The following GPM6A variants were observed in gnomAD, a reference collection of about 807,000 sequenced individuals.
GPM6A encodes the protein neuronal membrane glycoprotein M6-a.
Under a neutral mutation model 32.1 loss-of-function variants are expected in GPM6A, and 7 were observed. The observed-to-expected ratio is 0.22, with a 90% CI of 0.12 to 0.41. The LOEUF is 0.41. GPM6A is among the 10% of genes least tolerant of loss of function. The pLI, the probability that GPM6A is intolerant of heterozygous loss-of-function variation, is 1.00. For synonymous variants in GPM6A, 130 were observed against 123.4 expected (o/e 1.05, Z -0.35); for missense variants, 235 against 347.2 (o/e 0.68, Z 2.57).
intron 1 of GPM6A, among the ~76,000 whole-genome samples, chr4:175,909,050 G>GGC (rs1554000507): frequency 1.2e-5 from 1 of 81,586 alleles, no homozygotes; most frequent in African/African-American, 4.2e-5. Context: ...GGCGGGGGGG[G>GGC]GGCAACTAGC....
intron 1 of GPM6A, among the ~76,000 whole-genome samples, chr4:175,822,679 T>A (rs1347148791): frequency 1.3e-5 from 2 of 152,050 alleles, no homozygotes; most frequent in African/African-American, 4.8e-5. Flanking sequence ...GAAAACATTG[T>A]ACTTTAAGTT....
chr4:175,792,738 T>C (rs1476943483), intron 1 of GPM6A, among the ~76,000 whole-genome samples: 2 of 152,218 alleles, frequency 1.3e-5, no homozygotes, highest in Non-Finnish European at 2.9e-5. Context: ...GAAAGTTTAT[T>C]TGCCAATTTC....
At chr4:175,915,162 C>T (rs900555541) in intron 1 of GPM6A, among the ~76,000 whole-genome samples, 3 of 152,084 alleles carry the variant, frequency 2.0e-5, no homozygotes, top group African/African-American at 7.2e-5. Flanking sequence ...AAAGAAAATA[C>T]TGACAAATTT....
chr4:175,769,082 G>A (rs1733088954), intron 1 of GPM6A, among the ~76,000 whole-genome samples: 2 of 152,034 alleles, frequency 1.3e-5, no homozygotes, highest in South Asian at 2.1e-4. Flanking sequence ...GCAGCAGAGT[G>A]AGACTCTGTC....
chr4:175,959,131 A>G (rs1740084766), intron 1 of GPM6A, among the ~76,000 whole-genome samples: 1 of 152,214 alleles, frequency 6.6e-6, no homozygotes, highest in African/African-American at 2.4e-5. Flanking sequence ...AATAGTGACT[A>G]AAAACAGAGA....
intron 1 of GPM6A, among the ~76,000 whole-genome samples, chr4:175,777,635 T>C (rs1733447980): frequency 6.6e-6 from 1 of 152,050 alleles, no homozygotes; most frequent in Non-Finnish European, 1.5e-5. Context: ...AGTAATGCAG[T>C]TGATTTTTAA....
intron 1 of GPM6A, among the ~76,000 whole-genome samples, chr4:175,999,767 A>C (rs1229865406): frequency 6.6e-6 from 1 of 152,126 alleles, no homozygotes; most frequent in Non-Finnish European, 1.5e-5. Context: ...CAAAACAAAA[A>C]AACTGGATTC....
At chr4:175,866,610 A>G (rs1190067227) in intron 1 of GPM6A, among the ~76,000 whole-genome samples, 1 of 152,156 alleles carries the variant, frequency 6.6e-6, no homozygotes, top group South Asian at 2.1e-4. Flanking sequence ...ATTTCTTTTT[A>G]GTAATGAATA....
chr4:175,966,280 T>A (rs191969187), intron 1 of GPM6A, among the ~76,000 whole-genome samples: 1 of 152,006 alleles, frequency 6.6e-6, no homozygotes, highest in Non-Finnish European at 1.5e-5. Flanking sequence ...CATGTGCCTG[T>A]AGTCAGAGCT....
intron 1 of GPM6A, among the ~76,000 whole-genome samples, chr4:175,865,606 A>G (rs1004973805): frequency 6.6e-5 from 10 of 152,144 alleles, no homozygotes; most frequent in African/African-American, 2.2e-4. Context: ...ACTTTCTTTC[A>G]TAAATCTTTT....
At chr4:175,670,068 C>T (rs965994565) in intron 3 of GPM6A, among the ~76,000 whole-genome samples, 1 of 151,992 alleles carries the variant, frequency 6.6e-6, no homozygotes, top group Non-Finnish European at 1.5e-5. Flanking sequence ...AACTGTGAGA[C>T]AATGAATTTC....
At chr4:175,784,323 A>G (rs112386967) in intron 1 of GPM6A, among the ~76,000 whole-genome samples, 6 of 152,302 alleles carry the variant, frequency 3.9e-5, no homozygotes, top group African/African-American at 1.4e-4. Flanking sequence ...CACAGCTTGT[A>G]GGAAACTAAC....
intron 1 of GPM6A, among the ~76,000 whole-genome samples, chr4:175,975,512 A>G (rs76278530): frequency 0.015 from 2,267 of 152,338 alleles, 49 homozygotes; most frequent in African/African-American, 0.052. Flanking sequence ...TGGTCATTCA[A>G]TCAAAATTTA....
At chr4:175,689,876 C>T (rs2111033158) in intron 2 of GPM6A, among the ~76,000 whole-genome samples, 1 of 152,280 alleles carries the variant, frequency 6.6e-6, no homozygotes, top group South Asian at 2.1e-4. Flanking sequence ...AGACAGAAAC[C>T]AGTCCCTCAA....
chr4:175,659,047 T>A (rs538013090), intron 3 of GPM6A, among the ~76,000 whole-genome samples: 2 of 151,984 alleles, frequency 1.3e-5, no homozygotes, highest in African/African-American at 4.8e-5. Flanking sequence ...AAATCTTAAA[T>A]CCTGTCATAT....
intron 1 of GPM6A, among the ~76,000 whole-genome samples, chr4:175,882,635 A>C (rs1237398719): frequency 1.3e-5 from 2 of 151,912 alleles, no homozygotes; most frequent in Non-Finnish European, 2.9e-5. Flanking sequence ...TTTGTCTTTC[A>C]TACATTTAAA....
At chr4:175,841,176 A>G (rs1037990781) in intron 1 of GPM6A, among the ~76,000 whole-genome samples, 1 of 152,242 alleles carries the variant, frequency 6.6e-6, no homozygotes, top group African/African-American at 2.4e-5. Context: ...GATAAGCAAC[A>G]TGAGTAAGTT....
chr4:175,857,086 CTA>C (rs1736441497), intron 1 of GPM6A, among the ~76,000 whole-genome samples: 1 of 152,104 alleles, frequency 6.6e-6, no homozygotes, highest in African/African-American at 2.4e-5. Context: ...ATAGGGGAAA[CTA>C]TGTGTAAATA....
intron 1 of GPM6A, chr4:175,795,704 T>G (rs1734193876): frequency 6.6e-6 from 1 of 152,214 alleles, no homozygotes; most frequent in Admixed American, 6.6e-5. Context: ...TGAGTCATAA[T>G]CATTACTTTA....
Sources: allele counts gnomAD v4.1 joint callset (sites outside exome capture counted in the v4.1 genomes callset), GRCh38; gene constraint gnomAD v4.1.1; transcripts MANE v1.5; gene names NCBI Gene and HGNC (gene_info 2026-07-23, HGNC 2026-07-21).